Variants in CROCC2 observed in about 807,000 individuals in gnomAD.
CROCC2 encodes ciliary rootlet coiled-coil, rootletin family member 2.
In CROCC2, 163 loss-of-function variants were observed where a neutral mutation model predicts 177.6. That is an observed-to-expected ratio of 0.92 (90% CI 0.81 to 1.05). The LOEUF (loss-of-function observed/expected upper bound fraction) is 1.05, where lower values mean the gene tolerates loss of function less well. Ranked by LOEUF, CROCC2 falls within the 50% of genes least tolerant of loss-of-function variation. The pLI is 0.00. For synonymous variants in CROCC2, 904 were observed against 787.3 expected (o/e 1.15, Z -2.48); for missense variants, 1,929 against 1,797.8 (o/e 1.07, Z -1.32).
At chr2:240,909,596 C>T (rs1474954602) in intron 1 of CROCC2, among the ~76,000 whole-genome samples, 2 of 152,210 alleles carry the variant, frequency 1.3e-5, no homozygotes, top group African/African-American at 4.8e-5. Flanking sequence ...GGGGGAATCC[C>T]AGGCCGATGC....
intron 10 of CROCC2, 72 bp from the exon 11 acceptor site, chr2:240,933,598 A>T: frequency 6.7e-7 from 1 of 1,488,774 alleles, no homozygotes; most frequent in South Asian, 1.3e-5. Flanking sequence ...CCAGCCCCCA[A>T]TGCCCACCAA....
At position 240,930,977 on chromosome 2, in the gene CROCC2, C is replaced by T. The variant is rs1301030709; in HGVS notation, c.796C>T (p.Leu266=). 2 of 715,636 alleles carry T rather than the reference C, an allele frequency of 2.8e-6. No homozygotes were observed. Among genetic ancestry groups the T allele is most frequent in the Non-Finnish European group, 5.2e-6 (2 of 384,746 alleles). The allele number at this position is 715,636 out of a possible 1,614,324, so 44.3% of individuals were successfully genotyped here. A position where few individuals can be genotyped will look rare whatever the true frequency, so the allele number is the denominator to read the frequency against. ...QADTARTARR[L]HTACLNLDSN... ...AGACACGGCCAGGACAGCCCGCCGC[C>T]TGCACACCGCCTGCCTGAACCTCGA... Residue 266 remains leucine (L), a synonymous_variant, in exon 7 of 32, where the codon CTG becomes TTG. Transcript: ENST00000690015.
At chr2:240,936,350 G>A (rs1171287365) in intron 14 of CROCC2, among the ~76,000 whole-genome samples, 4 of 152,224 alleles carry the variant, frequency 2.6e-5, no homozygotes, top group African/African-American at 4.8e-5. Flanking sequence ...CAAAGCCCCC[G>A]GCTCCCACCC....
Position 240,963,645 on chromosome 2 carries a change from G to A in CROCC2, c.3177G>A (p.Glu1059=), listed in dbSNP as rs1382082027. Residue 1059 remains glutamate (E), a synonymous_variant, in exon 21 of 32, where the codon GAG becomes GAA. Coordinates refer to ENST00000690015, the MANE Select transcript of CROCC2 (RefSeq NM_001351305.2). ...QELQGVEESR[E]GLHREAQEAR... is the part of the protein sequence containing the mutation. The stretch of plus-strand genomic sequence containing the variant: ...TGCAGGGCGTCGAGGAGAGCCGGGA[G>A]GGGCTGCACAGGGAGGCCCAGGAGG... 1 of 1,549,894 alleles carries A rather than the reference G, an allele frequency of 6.5e-7. No individual in the cohort carries two copies. Among genetic ancestry groups the A allele is most frequent in the Non-Finnish European group, 8.7e-7 (1 of 1,146,770 alleles).
At chr2:240,989,595 G>T in intron 29 of CROCC2, 59 bp from the exon 30 acceptor site, 1 of 1,473,542 alleles carries the variant, frequency 6.8e-7, no homozygotes. Flanking sequence ...CTCCTGCCCT[G>T]GGATTCTGTG....
At chr2:240,988,628 A>T in intron 28 of CROCC2, 111 bp from the exon 29 acceptor site, 1 of 1,128,910 alleles carries the variant, frequency 8.9e-7, no homozygotes, top group Non-Finnish European at 1.1e-6. Flanking sequence ...GCCAGCTCTT[A>T]GGGGAATTCA....
chr2:240,940,975 T>C (rs1247926062), intron 14 of CROCC2, among the ~76,000 whole-genome samples: 1 of 152,162 alleles, frequency 6.6e-6, no homozygotes, highest in Non-Finnish European at 1.5e-5. Flanking sequence ...ATCTGGTAAA[T>C]GAATTCAGCA....
At chr2:240,920,936 C>T (rs180957090) in intron 3 of CROCC2, among the ~76,000 whole-genome samples, 118 of 152,310 alleles carry the variant, frequency 7.7e-4, no homozygotes, top group African/African-American at 2.7e-3. Flanking sequence ...TTGTGGGGTA[C>T]TCAGGGCCCC....
intron 14 of CROCC2, among the ~76,000 whole-genome samples, chr2:240,945,784 C>A (rs6706171): frequency 0.62 from 94,356 of 151,616 alleles, 30,465 homozygotes; most frequent in African/African-American, 0.79. Flanking sequence ...ACTGGAGGAC[C>A]AACAAATGGT....
Position 240,933,317 on chromosome 2 carries a change from C to A in CROCC2, c.1438C>A (p.Arg480=). 2 of 1,533,692 alleles carry A rather than the reference C, an allele frequency of 1.3e-6. No individual in the cohort carries two copies. Among genetic ancestry groups the A allele is most frequent in the Non-Finnish European group, 8.8e-7 (1 of 1,141,694 alleles). The part of the protein sequence containing the change: ...EAQRLEVQQC[R]ASCKLLGREK... ...CCAGAGGCTCGAGGTGCAGCAGTGC[C>A]GGGCATCCTGCAAGCTCCTGGGGAG... is the stretch of plus-strand genomic sequence containing the variant. Residue 480 remains arginine (R), a synonymous_variant, in exon 10 of 32, where the codon CGG becomes AGG. Transcript: ENST00000690015.
chr2:240,952,530 G>T (rs1347428718), intron 18 of CROCC2, among the ~76,000 whole-genome samples: 2 of 152,252 alleles, frequency 1.3e-5, no homozygotes, highest in Non-Finnish European at 2.9e-5. Flanking sequence ...TGGGCACTGA[G>T]GTCTGTGCTC....
intron 30 of CROCC2, among the ~76,000 whole-genome samples, chr2:240,990,570 G>GTGTTTTGTTTTGTTTTGTTT (rs368000484): frequency 3.2e-4 from 48 of 152,098 alleles, no homozygotes; most frequent in African/African-American, 1.2e-3. Context: ...ATCATTCTGA[G>GTGTTTTGTTTTGTTTTGTTT]TGTTTTGTTT....
At chr2:240,991,171 A>T in intron 30 of CROCC2, 25 bp from the exon 31 acceptor site, 1 of 1,516,872 alleles carries the variant, frequency 6.6e-7, no homozygotes. Context: ...TGCCCACCTG[A>T]CCTGAGCCAC....
At chr2:240,983,708 C>T (rs2106491175) in intron 28 of CROCC2, 1 of 1,077,098 alleles carries the variant, frequency 9.3e-7, no homozygotes, top group South Asian at 1.3e-5. Context: ...TGGCACTAAG[C>T]TCAGGGTCAG....
At chr2:240,974,973 C>T (rs370002611) in intron 27 of CROCC2, among the ~76,000 whole-genome samples, 1 of 151,904 alleles carries the variant, frequency 6.6e-6, no homozygotes, top group African/African-American at 2.4e-5. Flanking sequence ...GCAGGGATGA[C>T]GGTTTTCTTT....
chr2:240,975,709 A>G (rs10933525), intron 27 of CROCC2, among the ~76,000 whole-genome samples: 105,286 of 145,258 alleles, frequency 0.72, 39,118 homozygotes, highest in East Asian at 0.92. Context: ...TCCAGCATCC[A>G]ACCAGCCTGC....
chr2:240,931,807 C>A (rs1315933061), intron 7 of CROCC2, among the ~76,000 whole-genome samples: 1 of 152,242 alleles, frequency 6.6e-6, no homozygotes, highest in Admixed American at 6.5e-5. Context: ...CACCACAACC[C>A]AGCCCCAAAT....
chr2:240,982,685 C>A lies in CROCC2; in HGVS notation c.4402-195C>A. 4 of 548,780 alleles carry A rather than the reference C, an allele frequency of 7.3e-6. No homozygotes were observed. The highest frequency in any genetic ancestry group is 3.1e-5 in the East Asian group (1 of 32,148). 34.0% of individuals were successfully genotyped at this position (548,780 alleles called of 1,614,324 possible). ...GTCTCAGGCTTCCTGGGGGTCCACA[C>A]CTTTGAGGTTACATTGCAAACACAA... is the stretch of plus-strand genomic sequence containing the variant. On this transcript the variant is annotated intron_variant, in intron 27 of 31. Transcript: ENST00000690015. This position sits in a 1 kb window ranked among gnomAD's most constrained non-coding sequence, Gnocchi z 4.7.
At position 240,964,506 on chromosome 2, in the gene CROCC2, AT is replaced by A; in HGVS notation, c.3347del (p.Ile1116ThrfsTer41). 1.3e-6 allele frequency: 2 copies of A among 1,549,090 alleles called. No homozygotes were observed. Among genetic ancestry groups the A allele is most frequent in the South Asian group, 2.4e-5 (2 of 83,980 alleles). On this transcript the variant is annotated frameshift_variant, in exon 22 of 32. Transcript: ENST00000690015. LOFTEE classifies it high-confidence loss of function. ...SKEEKEQKLL[I>X]LEEAQAALQQ... ...GGAGGAGAAGGAGCAGAAGCTGCTC[AT>A]CCTGGAGGAGGCCCAGGCGGCGTTG...
Sources: gnomAD v4.1 joint callset for allele counts (sites outside exome capture counted in the v4.1 genomes callset) on GRCh38, gnomAD v4.1.1 for gene constraint, Gnocchi (gnomAD v3.1) non-coding constraint, MANE v1.5 for transcripts, NCBI Gene and HGNC (gene_info 2026-07-23, HGNC 2026-07-21) for gene names.